Variants in TELO2 observed in about 807,000 individuals in gnomAD.
TELO2 encodes the protein telomere length regulation protein TEL2 homolog.
In TELO2, 71 loss-of-function variants were observed where a neutral mutation model predicts 91.0. That is an observed-to-expected ratio of 0.78 (90% CI 0.64 to 0.95). The LOEUF is 0.95. TELO2 is among the 40% of genes least tolerant of loss of function. The probability of loss-of-function intolerance (pLI) is 0.00; values close to 1 mark genes in which losing one functional copy is unlikely to be tolerated. For missense variants in TELO2, 1,183 were observed against 1,141.3 expected, an observed-to-expected ratio of 1.04 and a Z score of -0.53; for synonymous variants, 584 against 518.9, an observed-to-expected ratio of 1.13 and a Z score of -1.71.
rs373116032 is a variant in TELO2 at position 1,506,503 on chromosome 16, C to G, written c.2126+174C>G. 2.4e-4 allele frequency: 358 copies of G among 1,461,282 alleles called. 2 individuals carry two copies. In the East Asian group the frequency reaches 2.8e-3, roughly 11 times the overall value. The allele number at this position is 1,461,282 out of a possible 1,614,324, so 90.5% of individuals were successfully genotyped here. A position where few individuals can be genotyped will look rare whatever the true frequency, so the allele number is the denominator to read the frequency against. On this transcript the variant is annotated intron_variant, in intron 17 of 20. Transcript: ENST00000262319. The stretch of plus-strand genomic sequence containing the variant: ...TGGCAGGGAGCGTCCCGCAAGATTC[C>G]TCTGTGGTTGAGCTTTGCCATGAGG...
chr16:1,501,571 GA>G, intron 10 of TELO2, 72 bp downstream of exon 10: 1 of 1,566,682 alleles, frequency 6.4e-7, no homozygotes, highest in Non-Finnish European at 8.7e-7. Flanking sequence ...GCCGGGATGG[GA>G]GGGGGGAAAC....
At position 1,502,068 on chromosome 16, in the gene TELO2, C is replaced by T. The variant is rs757278828; in HGVS notation, c.1494C>T (p.Tyr498=). The T allele has an allele frequency of 5.0e-5, 81 of 1,613,194 alleles. No individual in the cohort carries two copies. The East Asian group carries it at 8.2e-4, about 16-fold the overall frequency. The part of the protein sequence containing the change: ...DLDSDDEFVP[Y]DMSGDRELKS... The stretch of plus-strand genomic sequence containing the variant: ...ACAGCGATGATGAGTTTGTCCCCTA[C>T]GACATGTCGGGGGACAGAGAGCTGA... The change falls in exon 12 of 21, where the codon TAC becomes TAT. Residue 498 remains tyrosine, a synonymous_variant. Coordinates refer to ENST00000262319, the MANE Select transcript of TELO2 (RefSeq NM_016111.4).
chr16:1,496,820 A>G (rs1375393542), intron 3 of TELO2, among the ~76,000 whole-genome samples: 3 of 152,250 alleles, frequency 2.0e-5, no homozygotes. Flanking sequence ...AAGTGGGCTA[A>G]GATGGGTGAA....
In TELO2 at chr16:1,501,789, C is replaced by T; in HGVS notation, c.1472+16C>T. The T allele has an allele frequency of 1.2e-6, 2 of 1,601,256 alleles. No homozygotes were observed. Among genetic ancestry groups the T allele is most frequent in the Non-Finnish European group, 8.5e-7 (1 of 1,177,006 alleles). Reference sequence around the variant, plus strand: ...ACCTGGACAGGTAGGGGCTCTGCCACCCCAGTGGGCAGCGTGCAGGAGGCC... The same window carrying T: ...ACCTGGACAGGTAGGGGCTCTGCCATCCCAGTGGGCAGCGTGCAGGAGGCC... On this transcript the variant is annotated intron_variant, in intron 11 of 20. Coordinates refer to ENST00000262319, the MANE Select transcript of TELO2 (RefSeq NM_016111.4).
rs1207905439 is a variant in TELO2, at chr16:1,506,992, G to A, written c.2167G>A (p.Val723Ile). ...TFDLLGEDQL[V>I]LGRLAHTLGA... ...CGACCTCTTGGGAGAAGACCAGCTG[G>A]TTCTCGGAAGGCTGGCGCACACCTT... Residue 723 changes from valine to isoleucine, a missense_variant, in exon 18 of 21, where the codon GTT becomes ATT. Transcript: ENST00000262319. The A allele has an allele frequency of 6.2e-7, 1 of 1,612,262 alleles. No homozygotes were observed.
chr16:1,501,493 A>G lies in TELO2; in HGVS notation c.1355A>G (p.Glu452Gly). 6.2e-7 allele frequency: 1 copy of G among 1,608,124 alleles called. No individual in the cohort carries two copies. The highest frequency in any genetic ancestry group is 8.5e-7 in the Non-Finnish European group (1 of 1,177,340). Residue 452 changes from glutamate (E) to glycine (G), a missense_variant, in exon 10 of 21, where the codon GAG becomes GGG. Transcript: ENST00000262319. ...SPQPAGDGAS[E>G]AGTSLVPATA... is the part of the protein sequence containing the mutation. ...CAGCCTGCGGGTGACGGCGCCTCGGAGGCGGGGTGAGGGTCTCTGCCCCCC... is the reference window on the plus strand; with the variant it reads ...CAGCCTGCGGGTGACGGCGCCTCGGGGGCGGGGTGAGGGTCTCTGCCCCCC...
intron 3 of TELO2, among the ~76,000 whole-genome samples, chr16:1,496,462 G>A (rs543648131): frequency 6.6e-6 from 1 of 152,376 alleles, no homozygotes; most frequent in South Asian, 2.1e-4. Flanking sequence ...GTATTAAGGA[G>A]GCTTTGGGAA....
rs1197973919 is a variant in TELO2 at position 1,500,754 on chromosome 16, G to A, written c.1281+55G>A. 32 of 1,589,508 alleles carry A rather than the reference G, an allele frequency of 2.0e-5. 1 individual carries two copies. The highest frequency in any genetic ancestry group is 4.3e-4 in the Middle Eastern group (2 of 4,622). On this transcript the variant is annotated intron_variant, in intron 9 of 20. Transcript: ENST00000262319. ...TGTGGCTGGCCCGGGTCTCCCGAGC[G>A]GCTGCCTCTCCAGCCCCAGGGTCAC... is the stretch of plus-strand genomic sequence containing the variant.
In TELO2 at chr16:1,505,244, T is replaced by A. The variant is rs1176134775; in HGVS notation, c.1843-166T>A. On this transcript the variant is annotated intron_variant, in intron 15 of 20. Coordinates refer to ENST00000262319, the MANE Select transcript of TELO2 (RefSeq NM_016111.4). This position sits in a 1 kb window ranked among gnomAD's most constrained non-coding sequence, Gnocchi z 4.3. ...CACCTTCCCGCCTACCAAGGCGCGG[T>A]TGCTGTGAGCTACGGGGAAGTGACT... is the stretch of plus-strand genomic sequence containing the variant. 2.6e-6 allele frequency: 2 copies of A among 763,008 alleles called. No homozygotes were observed. Among genetic ancestry groups the A allele is most frequent in the African/African-American group, 3.5e-5 (2 of 56,914 alleles). 47.3% of individuals were successfully genotyped at this position (763,008 alleles called of 1,614,324 possible).
rs1567294938 is a variant in TELO2 at position 1,497,488 on chromosome 16, G to C, written c.810G>C (p.Gly270=). 12 of 1,571,676 alleles carry C rather than the reference G, an allele frequency of 7.6e-6. No homozygotes were observed. In the South Asian group the frequency reaches 1.4e-4, roughly 18 times the overall value. The change falls in exon 5 of 21, where the codon GGG becomes GGC. Residue 270 remains glycine (G), a synonymous_variant. Transcript: ENST00000262319. The surrounding 1 kb of genome is among the most constrained non-coding windows in gnomAD (Gnocchi z 4.0). ...GGGCCATGGAGGCTGTGCTGACCGG[G>C]CTGGTGGAGGCCGCACTGGGGTAAG... is the stretch of plus-strand genomic sequence containing the variant. ...PDRAMEAVLT[G]LVEAALGPEV... is the part of the protein sequence containing the mutation.
At chr16:1,503,077 C>T in intron 15 of TELO2, 75 bp downstream of exon 15, 3 of 1,536,012 alleles carry the variant, frequency 2.0e-6, no homozygotes, top group East Asian at 2.2e-5. Flanking sequence ...AAACCTGGGT[C>T]TCCTTGTTGC....
chr16:1,503,007 G>C lies in TELO2; in HGVS notation c.1842+5G>C. The stretch of plus-strand genomic sequence containing the variant: ...CAGCGCATGGACATCCTGGATGTAA[G>C]TGCCTCCTGGGCCTCAGTCCCCCTG... On this transcript the variant is annotated splice_donor_5th_base_variant and intron_variant, in intron 15 of 20. Transcript: ENST00000262319. The C allele has an allele frequency of 6.2e-7, 1 of 1,609,606 alleles. No individual in the cohort carries two copies. The highest frequency in any genetic ancestry group is 8.5e-7 in the Non-Finnish European group (1 of 1,179,960).
rs369466179 is a variant in TELO2 at position 1,504,928 on chromosome 16, G to T, written c.1843-482G>T. On this transcript the variant is annotated intron_variant, in intron 15 of 20. Transcript: ENST00000262319. ...CACCCCAGAGGGAAACCCCATCCCT[G>T]TCAGCAGTCGCCCCGACCCTCCCAG... 5.0e-3 allele frequency among the ~76,000 whole-genome samples: 756 copies of T among 152,232 alleles called. 9 individuals are homozygous for T. Among genetic ancestry groups the T allele is most frequent in the African/African-American group, 0.017 (724 of 41,558 alleles).
chr16:1,502,176 G>A, intron 12 of TELO2, 41 bp downstream of exon 12: 2 of 1,609,442 alleles, frequency 1.2e-6, no homozygotes, highest in Non-Finnish European at 1.7e-6. Context: ...GGCTGGGCAT[G>A]GGTCCCGCTC....
chr16:1,500,220 G>T, intron 7 of TELO2, 56 bp downstream of exon 7: 1 of 1,551,410 alleles, frequency 6.4e-7, no homozygotes, highest in Non-Finnish European at 8.7e-7. Context: ...AGCCGTGCGG[G>T]GCTCACCTTT....
chr16:1,500,200 C>T lies in TELO2; in HGVS notation c.1002+36C>T, dbSNP rs374283513. On this transcript the variant is annotated intron_variant, in intron 7 of 20. Coordinates refer to ENST00000262319, the MANE Select transcript of TELO2 (RefSeq NM_016111.4). ...CCTGGCTCTCCGTCCCTGCGAGGCC[C>T]TGGGAGAAGAGCCGTGCGGGGCTCA... 7.0e-6 allele frequency: 11 copies of T among 1,579,360 alleles called. No individual in the cohort carries two copies. The African/African-American group carries it at 1.1e-4, about 15-fold the overall frequency.
chr16:1,507,553 C>G (rs1299136328), intron 19 of TELO2, 48 bp from the exon 20 acceptor site: 1 of 1,532,112 alleles, frequency 6.5e-7, no homozygotes, highest in Non-Finnish European at 8.8e-7. Flanking sequence ...AGTGGGAGGT[C>G]TGGGGTGTGG....
chr16:1,507,763 GGTGT>G lies in TELO2; in HGVS notation c.2407+54_2407+57del, dbSNP rs567051123. ...GTGTGTGAGATGTGTGTCGGCCCGG[GGTGT>G]GTGTGTATGTGTGTGTGTGTGTGTG... is the stretch of plus-strand genomic sequence containing the variant. On this transcript the variant is annotated intron_variant, in intron 20 of 20. Transcript: ENST00000262319. 3.8e-3 allele frequency: 5,428 copies of G among 1,414,950 alleles called. 203 individuals are homozygous for G. In the African/African-American group the frequency reaches 0.064, roughly 17 times the overall value. 87.6% of individuals were successfully genotyped at this position (1,414,950 alleles called of 1,614,324 possible).
At chr16:1,508,037 C>T (rs2039974550) in intron 20 of TELO2, among the ~76,000 whole-genome samples, 1 of 151,648 alleles carries the variant, frequency 6.6e-6, no homozygotes, top group African/African-American at 2.4e-5. Context: ...GGCCGTTTCC[C>T]TCCTTTGGTC....
Sources: allele counts gnomAD v4.1 joint callset (sites outside exome capture counted in the v4.1 genomes callset), GRCh38; gene constraint gnomAD v4.1.1; non-coding constraint Gnocchi (gnomAD v3.1); transcripts MANE v1.5; gene names NCBI Gene and HGNC (gene_info 2026-07-23, HGNC 2026-07-21).